HDAC9: variants seen among roughly 807,000 people sequenced by gnomAD.
HDAC9 encodes the protein MEF-2 interacting transcription repressor (MITR) protein.
HDAC9 carries 41 observed loss-of-function variants against 139.4 expected under a neutral mutation model. That is an observed-to-expected ratio of 0.29 (90% CI 0.23 to 0.38). HDAC9 has a LOEUF of 0.38. HDAC9 is among the 10% of genes least tolerant of loss of function. The pLI, the probability that HDAC9 is intolerant of heterozygous loss-of-function variation, is 1.00. For missense variants in HDAC9, 1,147 were observed against 1,297.0 expected (o/e 0.88, Z 1.78); for synonymous variants, 517 against 476.2 (o/e 1.09, Z -1.12).
chr7:18,883,073 G>A (rs1476194907), intron 22 of HDAC9, among the ~76,000 whole-genome samples: 1 of 152,156 alleles, frequency 6.6e-6, no homozygotes, highest in Admixed American at 6.5e-5. Flanking sequence ...AGAAAATAAA[G>A]CATTATTATT....
Position 18,593,916 on chromosome 7 carries a change from A to G in HDAC9, c.551A>G (p.His184Arg). The change falls in exon 6 of 26, where the codon CAC becomes CGC. Residue 184 changes from histidine to arginine, a missense_variant. By Grantham distance (29) the His-to-Arg change is conservative. This residue lies in a region of HDAC9 where 79 missense variants were observed against 65.8 expected (regional missense o/e 1.20). Coordinates refer to ENST00000686413, the MANE Select transcript of HDAC9 (RefSeq NM_178425.4). ...TTCCTTGTCTTTTCTAGGGCTGCCCACCACACATCATTGGATCAAAGCTCT... is the reference window on the plus strand; with the variant it reads ...TTCCTTGTCTTTTCTAGGGCTGCCCGCCACACATCATTGGATCAAAGCTCT... ...RHPKLWYTAA[H>R]HTSLDQSSPP... is the part of the protein sequence containing the mutation. The G allele has an allele frequency of 6.2e-7, 1 of 1,612,818 alleles. No individual in the cohort carries two copies. Among genetic ancestry groups the G allele is most frequent in the Non-Finnish European group, 8.5e-7 (1 of 1,178,996 alleles).
intron 2 of HDAC9, among the ~76,000 whole-genome samples, chr7:18,236,480 C>G (rs1172200435): frequency 6.6e-6 from 1 of 152,100 alleles, no homozygotes; most frequent in Non-Finnish European, 1.5e-5. Flanking sequence ...TGAAGTGACT[C>G]AATTAAGTTG....
At chr7:18,775,678 T>A (rs1229915763) in intron 16 of HDAC9, among the ~76,000 whole-genome samples, 1 of 136,944 alleles carries the variant, frequency 7.3e-6, no homozygotes, top group East Asian at 2.7e-4. Context: ...TTTTTTCTTA[T>A]GTTGTGTTTT....
intron 2 of HDAC9, among the ~76,000 whole-genome samples, chr7:18,241,815 G>A (rs1022891179): frequency 2.0e-5 from 3 of 152,094 alleles, no homozygotes; most frequent in Admixed American, 1.3e-4. Context: ...GAGAGTAGTG[G>A]CACTTGCTTC....
chr7:18,288,316 A>G (rs907207373), upstream of HDAC9, among the ~76,000 whole-genome samples: 1 of 152,208 alleles, frequency 6.6e-6, no homozygotes, highest in Non-Finnish European at 1.5e-5. Flanking sequence ...TACTTTTACC[A>G]TCTATAATTT....
At chr7:18,192,697 G>A (rs529951816) in intron 2 of HDAC9, among the ~76,000 whole-genome samples, 9 of 152,260 alleles carry the variant, frequency 5.9e-5, no homozygotes, top group African/African-American at 2.2e-4. Flanking sequence ...ATCTAGTCCA[G>A]TGCTCATGAA....
intron 12 of HDAC9, among the ~76,000 whole-genome samples, chr7:18,716,732 C>A (rs547984655): frequency 1.3e-5 from 2 of 152,250 alleles, no homozygotes; most frequent in South Asian, 4.1e-4. Context: ...TCAATGCCAA[C>A]ACTAAACTAA....
chr7:18,307,171 T>G (rs904417315), intron 1 of HDAC9, among the ~76,000 whole-genome samples: 1 of 151,154 alleles, frequency 6.6e-6, no homozygotes. Flanking sequence ...AAGAGTATCT[T>G]TTTTAAAGCC....
chr7:18,283,074 T>C (rs981836730), intron 2 of HDAC9, among the ~76,000 whole-genome samples: 1 of 152,016 alleles, frequency 6.6e-6, no homozygotes, highest in Non-Finnish European at 1.5e-5. Flanking sequence ...TGTATTAGTC[T>C]GTTTTCACAC....
At chr7:18,948,191 A>G (rs1460381280) in intron 23 of HDAC9, among the ~76,000 whole-genome samples, 1 of 152,026 alleles carries the variant, frequency 6.6e-6, no homozygotes, top group Non-Finnish European at 1.5e-5. Context: ...GCTTCATTTC[A>G]GCATTGTTCA....
At chr7:18,727,210 A>T (rs1419414523) in intron 12 of HDAC9, among the ~76,000 whole-genome samples, 2 of 152,164 alleles carry the variant, frequency 1.3e-5, no homozygotes, top group African/African-American at 4.8e-5. Context: ...TTGTTCTCCC[A>T]CGTTGTGTGG....
chr7:18,865,444 G>A (rs1236854940), intron 21 of HDAC9, among the ~76,000 whole-genome samples: 1 of 152,182 alleles, frequency 6.6e-6, no homozygotes, highest in Non-Finnish European at 1.5e-5. Flanking sequence ...GTTGGAGGGT[G>A]AATGCTAAGG....
chr7:18,868,595 A>G (rs529022166), intron 21 of HDAC9, among the ~76,000 whole-genome samples: 98 of 152,170 alleles, frequency 6.4e-4, no homozygotes, highest in Non-Finnish European at 1.0e-3. Flanking sequence ...GTTTTTTTCT[A>G]CAGTTCCTGG....
At chr7:18,480,393 A>G (rs574511732) in intron 1 of HDAC9, among the ~76,000 whole-genome samples, 33 of 152,316 alleles carry the variant, frequency 2.2e-4, no homozygotes, top group African/African-American at 7.7e-4. Flanking sequence ...AAGTGTAATC[A>G]GAGACAATGT....
At chr7:18,851,528 T>A (rs536405425) in intron 21 of HDAC9, 2 of 152,256 alleles carry the variant, frequency 1.3e-5, no homozygotes, top group Non-Finnish European at 1.5e-5. Context: ...AATTACCCAG[T>A]CTCGGGTAGT....
intron 1 of HDAC9, among the ~76,000 whole-genome samples, chr7:18,483,394 T>C (rs1795731712): frequency 6.6e-6 from 1 of 152,072 alleles, no homozygotes; most frequent in Non-Finnish European, 1.5e-5. Flanking sequence ...AAAAGCAGAA[T>C]AAAGGAAAAT....
Position 18,940,473 on chromosome 7 carries a change from G to A in HDAC9, c.2937+4531G>A, listed in dbSNP as rs138338387. 2.8e-3 allele frequency among the ~76,000 whole-genome samples: 433 copies of A among 152,182 alleles called. 4 individuals are homozygous for A. The highest frequency in any genetic ancestry group is 0.01 in the African/African-American group (421 of 41,534). On this transcript the variant is annotated intron_variant, in intron 23 of 25. Coordinates refer to ENST00000686413, the MANE Select transcript of HDAC9 (RefSeq NM_178425.4). ...CAAAGTTTAGAACTTAGATTTATCA[G>A]TCCAATCAGTGCATGATGAATATTT...
At chr7:18,781,058 C>T (rs957664275) in intron 16 of HDAC9, among the ~76,000 whole-genome samples, 2 of 151,974 alleles carry the variant, frequency 1.3e-5, no homozygotes, top group Non-Finnish European at 2.9e-5. Context: ...TCTCCTGGGT[C>T]CTTGGATGAC....
At chr7:18,724,944 C>T (rs1043737443) in intron 12 of HDAC9, among the ~76,000 whole-genome samples, 15 of 152,042 alleles carry the variant, frequency 9.9e-5, no homozygotes, top group African/African-American at 2.9e-4. Flanking sequence ...AAGGGGAAAG[C>T]GCAATTAATG....
Sources: allele counts gnomAD v4.1 joint callset (sites outside exome capture counted in the v4.1 genomes callset), GRCh38; gene constraint gnomAD v4.1.1; regional missense constraint gnomAD v4.1.1; transcripts MANE v1.5; gene names NCBI Gene and HGNC (gene_info 2026-07-23, HGNC 2026-07-21).